CNTNAP5: variants seen among roughly 807,000 people sequenced by gnomAD.
The protein encoded by CNTNAP5 is contactin associated protein family member 5, also known as contactin-associated protein-like 5.
CNTNAP5 carries 72 observed loss-of-function variants against 150.2 expected under a neutral mutation model. The ratio of observed to expected loss-of-function variants is 0.48; its 90% confidence interval spans 0.40 to 0.58. The LOEUF (loss-of-function observed/expected upper bound fraction) is 0.58, where lower values mean the gene tolerates loss of function less well. Among genes scored for constraint, CNTNAP5 ranks in the 20% least tolerant of loss-of-function variants. The pLI is 0.00. For synonymous variants in CNTNAP5, 672 were observed against 619.8 expected, an observed-to-expected ratio of 1.08 and a Z score of -1.25; for missense variants, 1,636 against 1,626.2, an observed-to-expected ratio of 1.01 and a Z score of -0.10.
At chr2:124,864,634 G>T (rs756827552) in intron 19 of CNTNAP5, among the ~76,000 whole-genome samples, 3 of 151,522 alleles carry the variant, frequency 2.0e-5, no homozygotes, top group Non-Finnish European at 4.4e-5. Context: ...TATGTCTCCT[G>T]GGAGTCTCAT....
chr2:124,566,414 A>C (rs1294243876), intron 11 of CNTNAP5, among the ~76,000 whole-genome samples: 1 of 152,220 alleles, frequency 6.6e-6, no homozygotes, highest in Non-Finnish European at 1.5e-5. Flanking sequence ...CTAAAAATAG[A>C]AGATGTCGAG....
chr2:124,884,106 G>A (rs1235525746), intron 21 of CNTNAP5, among the ~76,000 whole-genome samples: 1 of 152,052 alleles, frequency 6.6e-6, no homozygotes, highest in Non-Finnish European at 1.5e-5. Flanking sequence ...GCATGTACAT[G>A]TGTGTACCTA....
At chr2:124,077,096 G>C (rs190697348) in intron 1 of CNTNAP5, among the ~76,000 whole-genome samples, 27 of 150,158 alleles carry the variant, frequency 1.8e-4, no homozygotes, top group African/African-American at 6.6e-4. Context: ...TATTATTAGG[G>C]CTTGAAAGAG....
intron 14 of CNTNAP5, among the ~76,000 whole-genome samples, chr2:124,755,554 A>G (rs1680821179): frequency 6.6e-6 from 1 of 152,132 alleles, no homozygotes; most frequent in African/African-American, 2.4e-5. Context: ...GAAGCTGGTG[A>G]TGCTGTTCTC....
rs1692057660 is a variant in CNTNAP5, at chr2:124,419,993, T to TC, written c.529+2403_529+2404insC. Among the ~76,000 whole-genome samples, 13 of 135,088 alleles carry TC rather than the reference T, an allele frequency of 9.6e-5. 1 individual carries two copies. The highest frequency in any genetic ancestry group is 2.5e-4 in the South Asian group (1 of 3,938). The allele number at this position is 135,088 out of a possible 152,430, so 88.6% of individuals were successfully genotyped here. ...CTCTCTTTCTTTCTTTCTTTCTTTT[T>TC]TTTTTTTTTTTTTTTTGAGATGGAG... On this transcript the variant is annotated intron_variant, in intron 4 of 23. Transcript: ENST00000682447.
rs138978454 is a variant in CNTNAP5, at chr2:124,373,416, A to G, written c.382-44027A>G. Among the ~76,000 whole-genome samples the G allele has an allele frequency of 1.5e-3, 233 of 152,244 alleles. 1 individual carries two copies. The highest frequency in any genetic ancestry group is 5.2e-3 in the African/African-American group (216 of 41,574). ...AGATCAAGGAATGGAGAGACAGCCC[A>G]CAAGGAAATTGTGGTTTAATAAATG... On this transcript the variant is annotated intron_variant, in intron 3 of 23. Coordinates refer to ENST00000682447, the MANE Select transcript of CNTNAP5 (RefSeq NM_001367498.1).
chr2:124,449,904 T>G (rs139271608), intron 6 of CNTNAP5, among the ~76,000 whole-genome samples: 1 of 152,234 alleles, frequency 6.6e-6, no homozygotes, highest in East Asian at 1.9e-4. Flanking sequence ...GAAAGAACAC[T>G]GGTGCAGAAA....
chr2:124,703,938 A>T (rs1679579001), intron 13 of CNTNAP5, among the ~76,000 whole-genome samples: 1 of 152,186 alleles, frequency 6.6e-6, no homozygotes. Flanking sequence ...AGATTTAGAT[A>T]TGAGTTTTTA....
intron 3 of CNTNAP5, among the ~76,000 whole-genome samples, chr2:124,395,998 C>A (rs534595538): frequency 1.3e-5 from 2 of 152,150 alleles, no homozygotes; most frequent in Non-Finnish European, 2.9e-5. Context: ...GGAATAGCAC[C>A]AAGACCCTAA....
intron 2 of CNTNAP5, among the ~76,000 whole-genome samples, chr2:124,240,904 G>A (rs1335517824): frequency 6.6e-6 from 1 of 152,132 alleles, no homozygotes; most frequent in East Asian, 1.9e-4. Flanking sequence ...CCAAGGAGAT[G>A]TCCAAATGAC....
intron 19 of CNTNAP5, among the ~76,000 whole-genome samples, chr2:124,840,509 G>A (rs1014612842): frequency 3.3e-5 from 5 of 152,084 alleles, no homozygotes; most frequent in Non-Finnish European, 7.4e-5. Flanking sequence ...CAAACGAAAG[G>A]TGGACAGTAT....
At chr2:124,615,563 C>T (rs1960515) in intron 12 of CNTNAP5, among the ~76,000 whole-genome samples, 136,835 of 152,168 alleles carry the variant, frequency 0.9, 62,463 homozygotes, top group East Asian at 1. Flanking sequence ...TGCAGTTACT[C>T]CCTCCACTGA....
At position 124,713,301 on chromosome 2, in the gene CNTNAP5, C is replaced by CT. The variant is rs1421553026; in HGVS notation, c.2078-33926dup. On this transcript the variant is annotated intron_variant, in intron 13 of 23. Transcript: ENST00000682447. ...TCTTTCTTTCTTTCTTTCTTTCTTTCTTCTTTCTCTTTCTTTCCTTTCTTT... is the reference window on the plus strand; with the variant it reads ...TCTTTCTTTCTTTCTTTCTTTCTTTCTTTCTTTCTCTTTCTTTCCTTTCTTT... Among the ~76,000 whole-genome samples, 199 of 76,794 alleles carry CT rather than the reference C, an allele frequency of 2.6e-3. 7 individuals are homozygous for CT. Among genetic ancestry groups the CT allele is most frequent in the East Asian group, 6.7e-3 (15 of 2,250 alleles). The allele number at this position is 76,794 out of a possible 152,430, so 50.4% of individuals were successfully genotyped here.
At position 124,918,509 on chromosome 2, in the gene CNTNAP5, G is replaced by A. The variant is rs887692773; in HGVS notation, c.*4221G>A. On this transcript the variant is annotated 3_prime_UTR_variant, in exon 24 of 24. Transcript: ENST00000682447. The stretch of plus-strand genomic sequence containing the variant: ...TCAGTTAGAAGAGTTGCACTGGGAG[G>A]GTGCAAGCACAGCCAACTTATCCAG... Among the ~76,000 whole-genome samples the A allele has an allele frequency of 6.6e-6, 1 of 152,022 alleles. No individual in the cohort carries two copies. Among genetic ancestry groups the A allele is most frequent in the South Asian group, 2.1e-4 (1 of 4,830 alleles).
intron 7 of CNTNAP5, among the ~76,000 whole-genome samples, chr2:124,480,279 A>C (rs1272434343): frequency 6.6e-6 from 1 of 152,242 alleles, no homozygotes. Flanking sequence ...CTTTAAAATA[A>C]GGAACTTAAA....
chr2:124,569,707 C>A (rs1203536465), intron 11 of CNTNAP5, among the ~76,000 whole-genome samples: 1 of 152,126 alleles, frequency 6.6e-6, no homozygotes, highest in Non-Finnish European at 1.5e-5. Flanking sequence ...CCTAACAATG[C>A]CCTTTAGCTC....
chr2:124,396,612 T>C (rs1001316236), intron 3 of CNTNAP5, among the ~76,000 whole-genome samples: 8 of 152,332 alleles, frequency 5.3e-5, no homozygotes, highest in Non-Finnish European at 1.2e-4. Flanking sequence ...GTACTTTAAA[T>C]ACAGTGTCAG....
At chr2:124,242,442 G>A (rs1014255485) in intron 3 of CNTNAP5, 49 bp downstream of exon 3, 4 of 1,509,674 alleles carry the variant, frequency 2.6e-6, no homozygotes, top group Non-Finnish European at 2.7e-6. Context: ...TGTGCTAATG[G>A]TAACCAGAGT....
chr2:124,729,978 C>T (rs1473659547), intron 13 of CNTNAP5, among the ~76,000 whole-genome samples: 1 of 152,128 alleles, frequency 6.6e-6, no homozygotes, highest in African/African-American at 2.4e-5. Context: ...TCCTAGAAGG[C>T]AGCCTCTGTT....
Sources: gnomAD v4.1 joint callset for allele counts (sites outside exome capture counted in the v4.1 genomes callset) on GRCh38, gnomAD v4.1.1 for gene constraint, MANE v1.5 for transcripts, NCBI Gene and HGNC (gene_info 2026-07-23, HGNC 2026-07-21) for gene names.